Variants in PALD1 observed in about 807,000 individuals in gnomAD.
PALD1 encodes the protein paladin.
PALD1 carries 57 observed loss-of-function variants against 96.0 expected under a neutral mutation model. The observed-to-expected ratio is 0.59, with a 90% CI of 0.48 to 0.74. PALD1 has a LOEUF of 0.74. Among genes scored for constraint, PALD1 ranks in the 30% least tolerant of loss-of-function variants. PALD1 has a pLI of 0.00. For synonymous variants in PALD1, 464 were observed against 473.6 expected (o/e 0.98, Z 0.26); for missense variants, 1,063 against 1,143.7 (o/e 0.93, Z 1.02).
At chr10:70,488,523 A>G (rs1846048386) in intron 1 of PALD1, among the ~76,000 whole-genome samples, 1 of 152,158 alleles carries the variant, frequency 6.6e-6, no homozygotes, top group South Asian at 2.1e-4. Flanking sequence ...CGTAGGTAAC[A>G]CTGTCAGCAG....
At chr10:70,563,056 A>C (rs1339570162) in intron 18 of PALD1, among the ~76,000 whole-genome samples, 1 of 148,710 alleles carries the variant, frequency 6.7e-6, no homozygotes, top group African/African-American at 2.5e-5. Context: ...AGTCACCCAG[A>C]GGGATTTTGA....
chr10:70,466,560 T>C, the PALD1 span, among the ~76,000 whole-genome samples: 3 of 152,164 alleles, frequency 2.0e-5, no homozygotes, highest in South Asian at 6.2e-4. Context: ...CGATTTTTAA[T>C]TAAACACTAC....
chr10:70,534,515 G>T lies in PALD1; in HGVS notation c.1113G>T (p.Met371Ile). Residue 371 changes from methionine (M) to isoleucine (I), a missense_variant, in exon 9 of 20, where the codon ATG becomes ATT. By Grantham distance (10) the Met-to-Ile change is conservative. Coordinates refer to ENST00000263563, the MANE Select transcript of PALD1 (RefSeq NM_014431.3). ...FLRMVPQGRRMVEEVDRAITA... is the reference protein window; with the variant it reads ...FLRMVPQGRRIVEEVDRAITA... ...GCATGGTGCCCCAGGGAAGGAGGAT[G>T]GTGGAAGAGGTGAGTGAGGGACAGC... 1 of 1,610,098 alleles carries T rather than the reference G, an allele frequency of 6.2e-7. No individual in the cohort carries two copies. The highest frequency in any genetic ancestry group is 1.1e-5 in the South Asian group (1 of 90,388).
In PALD1 at chr10:70,539,642, G is replaced by A. The variant is rs201455976; in HGVS notation, c.1788G>A (p.Leu596=). The change falls in exon 15 of 20, where the codon CTG becomes CTA. Residue 596 remains leucine, a synonymous_variant. Coordinates refer to ENST00000263563, the MANE Select transcript of PALD1 (RefSeq NM_014431.3). This position sits in a 1 kb window ranked among gnomAD's most constrained non-coding sequence, Gnocchi z 4.5. ...SEPPPGKEGP[L]TYRFQTCLTM... ...CTCCCCCAGGCAAGGAGGGCCCCCT[G>A]ACCTACAGGTTCCAGACCTGCCTTA... The A allele has an allele frequency of 8.7e-6, 14 of 1,613,732 alleles. No individual in the cohort carries two copies. The highest frequency in any genetic ancestry group is 2.7e-5 in the African/African-American group (2 of 75,012).
intron 1 of PALD1, among the ~76,000 whole-genome samples, chr10:70,481,031 C>A (rs140319972): frequency 6.6e-6 from 1 of 152,314 alleles, no homozygotes; most frequent in African/African-American, 2.4e-5. Flanking sequence ...TAGAAATACA[C>A]CATTGCTGGG....
chr10:70,566,646 G>A lies in PALD1; in HGVS notation c.2484G>A (p.Gly828=). The change falls in exon 20 of 20, where the codon GGG becomes GGA. Residue 828 remains glycine (G), a synonymous_variant. Transcript: ENST00000263563. ...NELGFPELES[G]EDQPFSRLRY... ...TGGGCTTCCCCGAGCTGGAGAGCGG[G>A]GAGGACCAGCCCTTCTCCAGGCTGC... is the stretch of plus-strand genomic sequence containing the variant. 6.2e-7 allele frequency: 1 copy of A among 1,610,036 alleles called. No homozygotes were observed. The highest frequency in any genetic ancestry group is 8.5e-7 in the Non-Finnish European group (1 of 1,178,638).
rs769539071 is a variant in PALD1 at position 70,532,626 on chromosome 10, C to G, written c.639C>G (p.His213Gln). The G allele has an allele frequency of 6.2e-7, 1 of 1,613,796 alleles. No individual in the cohort carries two copies. Among genetic ancestry groups the G allele is most frequent in the Non-Finnish European group, 8.5e-7 (1 of 1,179,882 alleles). ...ACCCCCACACCTCCCTCTAGATCCACGACTTTGCCCAGCTGAGCGAGAACA... is the reference window on the plus strand; with the variant it reads ...ACCCCCACACCTCCCTCTAGATCCAGGACTTTGCCCAGCTGAGCGAGAACA... ...SLELAIRKEI[H>Q]DFAQLSENTY... The change falls in exon 6 of 20, where the codon CAC (histidine) becomes CAG (glutamine). Residue 213 changes from histidine to glutamine, a missense_variant. Transcript: ENST00000263563.
intron 18 of PALD1, among the ~76,000 whole-genome samples, chr10:70,549,460 A>T (rs1847434823): frequency 6.6e-6 from 1 of 152,216 alleles, no homozygotes; most frequent in Non-Finnish European, 1.5e-5. Context: ...GCAGCCCTCG[A>T]TGTCCACTGC....
Position 70,524,168 on chromosome 10 carries a change from TAAGGATGCTTATTGTCC to T in PALD1, c.-29-1737_-29-1721del, listed in dbSNP as rs573143278. Among the ~76,000 whole-genome samples the T allele has an allele frequency of 4.8e-3, 726 of 152,296 alleles. 7 individuals carry two copies. The highest frequency in any genetic ancestry group is 6.7e-3 in the Non-Finnish European group (455 of 68,016). On this transcript the variant is annotated intron_variant, in intron 1 of 19. Transcript: ENST00000263563. ...GGCAGCTGGGAAGGTTGCCATGCTC[TAAGGATGCTTATTGTCC>T]AAGGATGCTTATTGTCCTGGTGCTT... is the stretch of plus-strand genomic sequence containing the variant.
intron 1 of PALD1, among the ~76,000 whole-genome samples, chr10:70,487,366 C>T (rs1420263671): frequency 6.6e-6 from 1 of 152,002 alleles, no homozygotes; most frequent in East Asian, 1.9e-4. Flanking sequence ...ATCTCCTGAC[C>T]TTGTGATCCG....
At chr10:70,544,691 C>T (rs1431215350) in intron 17 of PALD1, among the ~76,000 whole-genome samples, 1 of 152,086 alleles carries the variant, frequency 6.6e-6, no homozygotes, top group African/African-American at 2.4e-5. Context: ...AGTTGGGTTC[C>T]CTGTGAAGAG....
At chr10:70,479,577 T>C (rs1279489488) in intron 1 of PALD1, among the ~76,000 whole-genome samples, 1 of 152,196 alleles carries the variant, frequency 6.6e-6, no homozygotes, top group East Asian at 1.9e-4. Flanking sequence ...AGTACGTTTT[T>C]CAGTTTCAGA....
At chr10:70,549,516 G>A (rs1847436483) in intron 18 of PALD1, among the ~76,000 whole-genome samples, 1 of 152,256 alleles carries the variant, frequency 6.6e-6, no homozygotes. Flanking sequence ...GGCCTGAGCC[G>A]TGGGGAGACA....
the PALD1 span, among the ~76,000 whole-genome samples, chr10:70,471,577 A>T: frequency 6.6e-6 from 1 of 152,076 alleles, no homozygotes; most frequent in Non-Finnish European, 1.5e-5. Flanking sequence ...CTAGTTTTGG[A>T]TGTTCCATAG....
intron 4 of PALD1, among the ~76,000 whole-genome samples, chr10:70,530,597 G>A (rs61857078): frequency 0.013 from 1,940 of 152,254 alleles, 16 homozygotes; most frequent in Middle Eastern, 0.037. Flanking sequence ...CTTACCTGTC[G>A]GATGTTGAGG....
intron 18 of PALD1, among the ~76,000 whole-genome samples, chr10:70,559,154 C>T (rs991953074): frequency 6.6e-6 from 1 of 152,050 alleles, no homozygotes; most frequent in African/African-American, 2.4e-5. Flanking sequence ...GCCGACGGGG[C>T]GGTATGAGGG....
chr10:70,529,207 T>TGGGGGGGGGGGGGGGGGGGGGGGG, intron 2 of PALD1, 22 bp from the exon 3 acceptor site: 1 of 391,778 alleles, frequency 2.6e-6, no homozygotes, highest in Non-Finnish European at 4.6e-6. Context: ...GTTTCCATTC[T>TGGGGGGGGGGGGGGGGGGGGGGGG]GCCCCCCCCC....
the PALD1 span, among the ~76,000 whole-genome samples, chr10:70,467,057 G>A: frequency 6.6e-6 from 1 of 152,208 alleles, no homozygotes; most frequent in Admixed American, 6.5e-5. Context: ...GGGCGGGCCT[G>A]GGGGTGCAGA....
At position 70,514,593 on chromosome 10, in the gene PALD1, A is replaced by G. The variant is rs1035993137; in HGVS notation, c.-29-11330A>G. On this transcript the variant is annotated intron_variant, in intron 1 of 19. Transcript: ENST00000263563. ...GTCGGGGCCAGGAGCCTCTGCCTCC[A>G]TGAAGCCTGTCACCTGGGAGGTTCA... Among the ~76,000 whole-genome samples, 5 of 152,190 alleles carry G rather than the reference A, an allele frequency of 3.3e-5. No individual in the cohort carries two copies. In the East Asian group the frequency reaches 9.7e-4, roughly 29 times the overall value.
Sources: gnomAD v4.1 joint callset for allele counts (sites outside exome capture counted in the v4.1 genomes callset) on GRCh38, gnomAD v4.1.1 for gene constraint, Gnocchi (gnomAD v3.1) non-coding constraint, MANE v1.5 for transcripts, NCBI Gene and HGNC (gene_info 2026-07-23, HGNC 2026-07-21) for gene names.